DNAJC5B: variants seen among roughly 807,000 people sequenced by gnomAD.
The protein encoded by DNAJC5B is DnaJ heat shock protein family (Hsp40) member C5 beta.
A neutral mutation model predicts 24.7 loss-of-function variants in DNAJC5B; 23 were observed. The ratio of observed to expected loss-of-function variants is 0.93; its 90% CI spans 0.67 to 1.32. DNAJC5B has a LOEUF of 1.32. Ranked by LOEUF, DNAJC5B falls within the 40% of genes most tolerant of loss-of-function variation. The pLI, the probability that DNAJC5B is intolerant of heterozygous loss-of-function variation, is 0.00. For missense variants in DNAJC5B, 238 were observed against 240.8 expected, an observed-to-expected ratio of 0.99 and a Z score of 0.08; for synonymous variants, 101 against 90.1, an observed-to-expected ratio of 1.12 and a Z score of -0.68.
chr8:66,045,634 TC>T (rs143664302), intron 2 of DNAJC5B, among the ~76,000 whole-genome samples: 3,292 of 152,122 alleles, frequency 0.022, 132 homozygotes, highest in African/African-American at 0.075. Flanking sequence ...AAAGACAGGC[TC>T]CAGGCTGTTT....
intron 1 of DNAJC5B, among the ~76,000 whole-genome samples, chr8:66,023,169 T>G (rs1024347066): frequency 6.6e-6 from 1 of 152,242 alleles, no homozygotes; most frequent in Non-Finnish European, 1.5e-5. Context: ...AGCTAGTTAG[T>G]GCTGGGGACT....
intron 1 of DNAJC5B, among the ~76,000 whole-genome samples, chr8:66,029,126 A>G (rs972784949): frequency 6.6e-6 from 1 of 152,190 alleles, no homozygotes; most frequent in African/African-American, 2.4e-5. Context: ...CCTGCTTCAC[A>G]TGGACCACTG....
At chr8:66,049,799 A>G (rs1806807194) in intron 2 of DNAJC5B, among the ~76,000 whole-genome samples, 1 of 152,248 alleles carries the variant, frequency 6.6e-6, no homozygotes, top group Non-Finnish European at 1.5e-5. Flanking sequence ...TGAGTGAGTC[A>G]TAGAGCACGA....
In DNAJC5B at chr8:66,085,505, G is replaced by A. The variant is rs373013399; in HGVS notation, c.505+4957G>A. ...GGAGAATTGTGTGAACCCGGGAGGT[G>A]GAGCTTGCAGTGAGCGGAGATTGCA... On this transcript the variant is annotated intron_variant, in intron 5 of 5. Coordinates refer to ENST00000276570, the MANE Select transcript of DNAJC5B (RefSeq NM_033105.6). Among the ~76,000 whole-genome samples, 5 of 151,998 alleles carry A rather than the reference G, an allele frequency of 3.3e-5. No homozygotes were observed. The South Asian group carries it at 8.3e-4, about 25-fold the overall frequency.
In DNAJC5B at chr8:66,100,093, G is replaced by T; in HGVS notation, c.*62G>T. On this transcript the variant is annotated 3_prime_UTR_variant, in exon 6 of 6. Transcript: ENST00000276570. The stretch of plus-strand genomic sequence containing the variant: ...AGTTCAGTCTTGTCTCCAGATGGTC[G>T]TAGGGGAGCGTGTGGGGCATAAAGT... The T allele has an allele frequency of 7.0e-7, 1 of 1,436,590 alleles. No homozygotes were observed. Among genetic ancestry groups the T allele is most frequent in the Non-Finnish European group, 9.6e-7 (1 of 1,039,616 alleles). The allele number at this position is 1,436,590 out of a possible 1,614,324, so 89.0% of individuals were successfully genotyped here.
At chr8:66,065,866 C>T (rs1807181894) in intron 3 of DNAJC5B, among the ~76,000 whole-genome samples, 1 of 152,016 alleles carries the variant, frequency 6.6e-6, no homozygotes, top group African/African-American at 2.4e-5. Flanking sequence ...GCTTACGGGT[C>T]TAGTTATGTC....
At chr8:66,045,878 T>C (rs1019486631) in intron 2 of DNAJC5B, among the ~76,000 whole-genome samples, 7 of 152,192 alleles carry the variant, frequency 4.6e-5, no homozygotes, top group Non-Finnish European at 1.0e-4. Flanking sequence ...GTGAAAAGCA[T>C]GAATGCTAAC....
upstream of DNAJC5B, among the ~76,000 whole-genome samples, chr8:66,020,267 C>T (rs529687772): frequency 2.8e-4 from 42 of 152,156 alleles, no homozygotes; most frequent in Non-Finnish European, 4.6e-4. Flanking sequence ...CTTTGTTTAT[C>T]TCACCAAGTT....
chr8:66,016,414 G>T, the DNAJC5B span, among the ~76,000 whole-genome samples: 2 of 152,082 alleles, frequency 1.3e-5, no homozygotes, highest in African/African-American at 4.8e-5. Context: ...CATTTCCCCT[G>T]CTCCCACTCG....
upstream of DNAJC5B, among the ~76,000 whole-genome samples, chr8:66,020,981 C>G (rs1806107782): frequency 6.6e-6 from 1 of 152,082 alleles, no homozygotes; most frequent in African/African-American, 2.4e-5. Context: ...TGCTTATCAT[C>G]AAATCTCAAT....
intron 5 of DNAJC5B, among the ~76,000 whole-genome samples, chr8:66,095,751 A>G (rs943767811): frequency 1.3e-5 from 2 of 150,664 alleles, no homozygotes; most frequent in Non-Finnish European, 3.0e-5. Context: ...TCTGATTTCT[A>G]TTATGATTTT....
intron 1 of DNAJC5B, among the ~76,000 whole-genome samples, chr8:66,029,573 G>A (rs191036382): frequency 2.0e-5 from 3 of 152,228 alleles, no homozygotes; most frequent in African/African-American, 7.2e-5. Context: ...AGAAAGGACT[G>A]TCAGTTAGGA....
intron 1 of DNAJC5B, among the ~76,000 whole-genome samples, chr8:66,039,504 A>C (rs1002683824): frequency 3.3e-5 from 5 of 152,026 alleles, no homozygotes; most frequent in African/African-American, 4.8e-5. Flanking sequence ...GCCCACCACC[A>C]TGCCTGGCTC....
At chr8:66,029,073 C>A (rs1806306720) in intron 1 of DNAJC5B, among the ~76,000 whole-genome samples, 1 of 152,222 alleles carries the variant, frequency 6.6e-6, no homozygotes, top group African/African-American at 2.4e-5. Context: ...ATTTCTTCAG[C>A]TTTTCTGATA....
intron 1 of DNAJC5B, among the ~76,000 whole-genome samples, chr8:66,027,606 C>T (rs773968896): frequency 6.6e-6 from 1 of 152,142 alleles, no homozygotes; most frequent in African/African-American, 2.4e-5. Context: ...GACGTTTTAG[C>T]CAGTTGAGAA....
chr8:66,071,744 T>A (rs995954338), intron 3 of DNAJC5B, among the ~76,000 whole-genome samples: 2 of 152,146 alleles, frequency 1.3e-5, no homozygotes, highest in Admixed American at 6.5e-5. Context: ...TAAAGACACA[T>A]GCACACGTAA....
rs779286295 is a variant in DNAJC5B, at chr8:66,051,568, C to G, written c.21C>G (p.Asn7Lys). ...AGAAAATGGCATGTAACATACCTAA[C>G]CAAAGACAGCGGACTCTGTCAACAA... MACNIP[N>K]QRQRTLSTTG... Residue 7 changes from asparagine to lysine, a missense_variant, in exon 3 of 6, where the codon AAC (asparagine) becomes AAG (lysine). Transcript: ENST00000276570. The G allele has an allele frequency of 6.2e-7, 1 of 1,613,822 alleles. No individual in the cohort carries two copies. Among genetic ancestry groups the G allele is most frequent in the Admixed American group, 1.7e-5 (1 of 59,954 alleles).
At position 66,080,533 on chromosome 8, in the gene DNAJC5B, T is replaced by A. The variant is rs765824449; in HGVS notation, c.490T>A (p.Ser164Thr). ...AGAGGATCTGGAGGAGCAGATCAAG[T>A]CTGACATGGAAAAAGGTGGGGTAGG... Reference protein sequence around the residue: ...SPEDLEEQIKSDMEKDVDFPV... With the variant: ...SPEDLEEQIKTDMEKDVDFPV... Residue 164 changes from serine (S) to threonine (T), a missense_variant, in exon 5 of 6, where the codon TCT becomes ACT. Transcript: ENST00000276570. The A allele has an allele frequency of 1.4e-5, 22 of 1,609,774 alleles. No individual in the cohort carries two copies. In the South Asian group the frequency reaches 2.2e-4, roughly 16 times the overall value.
intron 3 of DNAJC5B, chr8:66,057,423 G>A (rs1190536926): frequency 6.6e-6 from 1 of 152,170 alleles, no homozygotes; most frequent in Non-Finnish European, 1.5e-5. Flanking sequence ...CAGAGTCTCA[G>A]AAACCTGTGG....
Sources: gnomAD v4.1 joint callset for allele counts (sites outside exome capture counted in the v4.1 genomes callset) on GRCh38, gnomAD v4.1.1 for gene constraint, MANE v1.5 for transcripts, NCBI Gene and HGNC (gene_info 2026-07-23, HGNC 2026-07-21) for gene names.